MARCHF11: variants seen among roughly 807,000 people sequenced by gnomAD.
The protein encoded by MARCHF11 is membrane associated ring-CH-type finger 11, also known as E3 ubiquitin-protein ligase MARCHF11.
In MARCHF11, 29 loss-of-function variants were observed where a neutral mutation model predicts 37.3. The ratio of observed to expected loss-of-function variants is 0.78; its 90% CI spans 0.58 to 1.06. MARCHF11 has a LOEUF of 1.06. Among genes scored for constraint, MARCHF11 ranks in the 50% least tolerant of loss-of-function variants. MARCHF11 has a pLI of 0.00. For missense variants in MARCHF11, 482 were observed against 533.4 expected (o/e 0.90, Z 0.95); for synonymous variants, 233 against 228.0 (o/e 1.02, Z -0.20).
intron 2 of MARCHF11, among the ~76,000 whole-genome samples, chr5:16,127,575 T>C (rs1737432667): frequency 6.6e-6 from 1 of 152,164 alleles, no homozygotes; most frequent in Non-Finnish European, 1.5e-5. Flanking sequence ...AGAAGTTTAT[T>C]TGTAGCTTCA....
intron 2 of MARCHF11, among the ~76,000 whole-genome samples, chr5:16,132,169 G>C (rs981166293): frequency 6.6e-6 from 1 of 152,212 alleles, no homozygotes; most frequent in African/African-American, 2.4e-5. Context: ...GCCATGTTCA[G>C]AGCCAAGTAC....
intron 2 of MARCHF11, among the ~76,000 whole-genome samples, chr5:16,151,832 G>T (rs1737895844): frequency 6.6e-6 from 1 of 151,790 alleles, no homozygotes; most frequent in Non-Finnish European, 1.5e-5. Flanking sequence ...ATTAAGCAAA[G>T]GAATGCAAAT....
intron 2 of MARCHF11, among the ~76,000 whole-genome samples, chr5:16,171,997 T>C (rs1408416816): frequency 6.6e-6 from 1 of 152,176 alleles, no homozygotes; most frequent in Non-Finnish European, 1.5e-5. Context: ...AAGAAAGTCC[T>C]GAAGGGTATC....
intron 2 of MARCHF11, among the ~76,000 whole-genome samples, chr5:16,128,007 C>G (rs1461523560): frequency 6.6e-6 from 1 of 152,148 alleles, no homozygotes; most frequent in Non-Finnish European, 1.5e-5. Context: ...ACAGCTACAG[C>G]CTCCAGGAAC....
chr5:16,110,497 C>G (rs534019589), intron 2 of MARCHF11, among the ~76,000 whole-genome samples: 8 of 152,050 alleles, frequency 5.3e-5, no homozygotes, highest in African/African-American at 7.2e-5. Context: ...CACAATATAA[C>G]ACAACAAAAA....
intron 2 of MARCHF11, among the ~76,000 whole-genome samples, chr5:16,148,334 C>T (rs1450526116): frequency 6.6e-6 from 1 of 152,026 alleles, no homozygotes; most frequent in Non-Finnish European, 1.5e-5. Context: ...CTTTTAGATA[C>T]CCCTTAGAAA....
chr5:16,127,370 G>A (rs1737428354), intron 2 of MARCHF11, among the ~76,000 whole-genome samples: 1 of 152,164 alleles, frequency 6.6e-6, no homozygotes, highest in Non-Finnish European at 1.5e-5. Context: ...CTCCCTCGTG[G>A]TGACCTTGGA....
At chr5:16,143,618 G>T (rs1046167369) in intron 2 of MARCHF11, among the ~76,000 whole-genome samples, 2 of 152,260 alleles carry the variant, frequency 1.3e-5, no homozygotes, top group African/African-American at 4.8e-5. Flanking sequence ...CTAGGCCCTG[G>T]CCTGCATTCC....
chr5:16,129,145 C>T (rs745810480), intron 2 of MARCHF11: 3 of 152,162 alleles, frequency 2.0e-5, no homozygotes, highest in African/African-American at 7.2e-5. Context: ...AGAACTTACA[C>T]ATCGTTCACT....
At chr5:16,138,566 G>A (rs1737649797) in intron 2 of MARCHF11, among the ~76,000 whole-genome samples, 1 of 152,192 alleles carries the variant, frequency 6.6e-6, no homozygotes, top group Non-Finnish European at 1.5e-5. Flanking sequence ...ACCACCTGGT[G>A]GAGCCGTGAG....
chr5:16,156,392 G>C (rs3849089), intron 2 of MARCHF11, among the ~76,000 whole-genome samples: 4,642 of 151,944 alleles, frequency 0.031, 246 homozygotes, highest in African/African-American at 0.11. Context: ...TTTTAAGTTA[G>C]GACTTTGTCT....
At chr5:16,162,032 A>C (rs2126604889) in intron 2 of MARCHF11, among the ~76,000 whole-genome samples, 1 of 152,184 alleles carries the variant, frequency 6.6e-6, no homozygotes, top group African/African-American at 2.4e-5. Context: ...ATTAAAAATA[A>C]TTATAGTCCA....
intron 2 of MARCHF11, among the ~76,000 whole-genome samples, chr5:16,153,591 C>G (rs908483362): frequency 2.0e-5 from 3 of 151,980 alleles, no homozygotes; most frequent in African/African-American, 7.2e-5. Flanking sequence ...GTATTCTTTA[C>G]ATGGCAAGAT....
chr5:16,148,011 C>T (rs1318623881), intron 2 of MARCHF11, among the ~76,000 whole-genome samples: 2 of 152,112 alleles, frequency 1.3e-5, no homozygotes, highest in Admixed American at 6.6e-5. Flanking sequence ...AAGTAGGCTA[C>T]ATGACACCAA....
intron 2 of MARCHF11, among the ~76,000 whole-genome samples, chr5:16,129,756 C>T (rs1737482631): frequency 6.6e-6 from 1 of 152,098 alleles, no homozygotes; most frequent in African/African-American, 2.4e-5. Flanking sequence ...TTCAAGAAGA[C>T]ATAGTGATTT....
At chr5:16,178,961 G>C in intron 1 of MARCHF11, 78 bp downstream of exon 1, 1 of 1,341,938 alleles carries the variant, frequency 7.5e-7, no homozygotes, top group Non-Finnish European at 9.5e-7. Flanking sequence ...GTAGGCGTGC[G>C]CTGTCCGTGG....
chr5:16,094,855 C>T (rs901257307), intron 2 of MARCHF11, among the ~76,000 whole-genome samples: 4 of 152,100 alleles, frequency 2.6e-5, no homozygotes, highest in Admixed American at 1.3e-4. Flanking sequence ...AGGACTGATA[C>T]AGGCCAGGCA....
At chr5:16,094,878 G>A (rs563328816) in intron 2 of MARCHF11, among the ~76,000 whole-genome samples, 5 of 152,068 alleles carry the variant, frequency 3.3e-5, no homozygotes. Context: ...TTTCTAAGAG[G>A]TTATTTATTT....
intron 2 of MARCHF11, among the ~76,000 whole-genome samples, chr5:16,174,059 C>T (rs1034195965): frequency 2.0e-5 from 3 of 152,196 alleles, no homozygotes; most frequent in African/African-American, 7.2e-5. Context: ...AATGTTATCT[C>T]TTCAAAGATC....
Sources: allele counts gnomAD v4.1 joint callset (sites outside exome capture counted in the v4.1 genomes callset), GRCh38; gene constraint gnomAD v4.1.1; transcripts MANE v1.5; gene names NCBI Gene and HGNC (gene_info 2026-07-23, HGNC 2026-07-21).